The following STXBP5 variants were observed in gnomAD, a reference collection of about 807,000 sequenced individuals.
The protein encoded by STXBP5 is syntaxin binding protein 5, also known as syntaxin-binding protein 5.
A neutral mutation model predicts 152.4 loss-of-function variants in STXBP5; 50 were observed. The ratio of observed to expected loss-of-function variants is 0.33; its 90% CI spans 0.26 to 0.42. STXBP5 has a LOEUF of 0.42. STXBP5 is among the 10% of genes least tolerant of loss of function. The probability of loss-of-function intolerance (pLI) is 1.00; values close to 1 mark genes in which losing one functional copy is unlikely to be tolerated. For missense variants in STXBP5, 1,167 were observed against 1,388.6 expected (o/e 0.84, Z 2.54); for synonymous variants, 492 against 494.7 (o/e 0.99, Z 0.07).
intron 2 of STXBP5, among the ~76,000 whole-genome samples, chr6:147,209,500 GT>G (rs913443935): frequency 9.4e-5 from 14 of 149,674 alleles, no homozygotes; most frequent in Admixed American, 2.0e-4. Flanking sequence ...CCTTGAATTA[GT>G]TTTTTTTTTC....
In STXBP5 at chr6:147,324,962, TA is replaced by T; in HGVS notation, c.1811del (p.Asn604ThrfsTer14). The T allele has an allele frequency of 6.5e-7, 1 of 1,533,188 alleles. No individual in the cohort carries two copies. Among genetic ancestry groups the T allele is most frequent in the Non-Finnish European group, 8.8e-7 (1 of 1,134,768 alleles). The allele number at this position is 1,533,188 out of a possible 1,614,324, so 95.0% of individuals were successfully genotyped here. A position where few individuals can be genotyped will look rare whatever the true frequency, so the allele number is the denominator to read the frequency against. ...ACCATGTTTTCTTTTATTTTAGAGTTAAAAACTCACCACTTAAACAGTCTCC... is the reference window on the plus strand; with the variant it reads ...ACCATGTTTTCTTTTATTTTAGAGTTAAAACTCACCACTTAAACAGTCTCC... ...LRDNVPCLKV[K>X]NSPLKQSPGY... On this transcript the variant is annotated frameshift_variant, in exon 17 of 28. Coordinates refer to ENST00000321680, the MANE Select transcript of STXBP5 (RefSeq NM_001127715.4). LOFTEE classifies it high-confidence loss of function.
intron 22 of STXBP5, among the ~76,000 whole-genome samples, chr6:147,357,117 A>G (rs1784849729): frequency 6.6e-6 from 1 of 152,160 alleles, no homozygotes; most frequent in African/African-American, 2.4e-5. Flanking sequence ...AAAGTCAGAA[A>G]TAACTACAGA....
At chr6:147,374,337 C>G (rs911892449) in intron 26 of STXBP5, among the ~76,000 whole-genome samples, 1 of 152,018 alleles carries the variant, frequency 6.6e-6, no homozygotes, top group Admixed American at 6.6e-5. Flanking sequence ...AATGCTTGAC[C>G]TTTCTTATGA....
chr6:147,275,523 C>T (rs1485545707), intron 7 of STXBP5, among the ~76,000 whole-genome samples: 1 of 131,418 alleles, frequency 7.6e-6, no homozygotes, highest in African/African-American at 2.8e-5. Flanking sequence ...GTATAATTTT[C>T]AGGTTTTTTT....
At position 147,386,412 on chromosome 6, in the gene STXBP5, A is replaced by T. The variant is rs957443383; in HGVS notation, c.*1657A>T. 6.6e-6 allele frequency: 1 copy of T among 151,756 alleles called. No individual in the cohort carries two copies. The highest frequency in any genetic ancestry group is 1.9e-4 in the East Asian group (1 of 5,176). 9.4% of individuals were successfully genotyped at this position (151,756 alleles called of 1,614,324 possible). A position where few individuals can be genotyped will look rare whatever the true frequency, so the allele number is the denominator to read the frequency against. ...TTATGCATATTTTCCTCTACTTTTC[A>T]TTAATAAAGCTTTTATGTTTACATT... On this transcript the variant is annotated 3_prime_UTR_variant, in exon 28 of 28. Transcript: ENST00000321680.
At chr6:147,263,863 T>C (rs1474631858) in intron 6 of STXBP5, among the ~76,000 whole-genome samples, 1 of 152,012 alleles carries the variant, frequency 6.6e-6, no homozygotes, top group East Asian at 1.9e-4. Flanking sequence ...TATGAAATTT[T>C]ATGGTATTTA....
At chr6:147,368,464 A>C (rs1785396332) in intron 25 of STXBP5, among the ~76,000 whole-genome samples, 1 of 152,204 alleles carries the variant, frequency 6.6e-6, no homozygotes, top group African/African-American at 2.4e-5. Flanking sequence ...TCTACAAACA[A>C]GGAACAGAAG....
chr6:147,309,469 TAGAG>T (rs781298226), intron 9 of STXBP5, among the ~76,000 whole-genome samples: 57 of 152,170 alleles, frequency 3.7e-4, no homozygotes, highest in East Asian at 2.9e-3. Context: ...TAATGACTAA[TAGAG>T]AGAATGGGAA....
Position 147,310,141 on chromosome 6 carries a change from T to C in STXBP5, c.975T>C (p.Pro325=), listed in dbSNP as rs2128369706. The change falls in exon 10 of 28, where the codon CCT becomes CCC. Residue 325 remains proline, a synonymous_variant. Coordinates refer to ENST00000321680, the MANE Select transcript of STXBP5 (RefSeq NM_001127715.4). The part of the protein sequence containing the change: ...GLSYDTVGRR[P]CLTVMHGKST... ...CATATGATACTGTAGGAAGAAGACC[T>C]TGCTTAACAGTGATGCATGGGAAAA... The C allele has an allele frequency of 6.2e-7, 1 of 1,603,218 alleles. No homozygotes were observed. Among genetic ancestry groups the C allele is most frequent in the East Asian group, 2.2e-5 (1 of 44,446 alleles).
chr6:147,241,230 G>C (rs890449498), intron 4 of STXBP5, among the ~76,000 whole-genome samples: 6 of 152,092 alleles, frequency 3.9e-5, no homozygotes, highest in Non-Finnish European at 8.8e-5. Flanking sequence ...GGTGTTCTCT[G>C]ATATTAACAT....
chr6:147,205,261 G>A (rs762375483), intron 1 of STXBP5, among the ~76,000 whole-genome samples: 2 of 151,948 alleles, frequency 1.3e-5, no homozygotes, highest in Non-Finnish European at 2.9e-5. Flanking sequence ...ATGATGCAGC[G>A]AATTAAGTCA....
intron 9 of STXBP5, among the ~76,000 whole-genome samples, chr6:147,306,419 T>C (rs1423691306): frequency 6.6e-6 from 1 of 152,058 alleles, no homozygotes; most frequent in East Asian, 1.9e-4. Context: ...GAGGTGATGA[T>C]TGGAATGAGT....
chr6:147,243,116 A>G (rs919541024), intron 4 of STXBP5, among the ~76,000 whole-genome samples: 2 of 152,122 alleles, frequency 1.3e-5, no homozygotes, highest in African/African-American at 4.8e-5. Flanking sequence ...TGGGAGTGCT[A>G]TTGCTGGATC....
chr6:147,312,790 A>G (rs1367119651), intron 11 of STXBP5, among the ~76,000 whole-genome samples: 3 of 152,158 alleles, frequency 2.0e-5, no homozygotes, highest in Admixed American at 2.0e-4. Context: ...ATTTGAAAAT[A>G]TTATTTCTGT....
In STXBP5 at chr6:147,373,219, ACC is replaced by A. The variant is rs757651171; in HGVS notation, c.3082-510_3082-509del. On this transcript the variant is annotated intron_variant, in intron 25 of 27. Transcript: ENST00000321680. ...CCTGTCTCTACAAAATACAATAATTACCCAGGCATGGTGGCGTGTGCCTGTAA... is the reference window on the plus strand; with the variant it reads ...CCTGTCTCTACAAAATACAATAATTACAGGCATGGTGGCGTGTGCCTGTAA... 4.6e-5 allele frequency among the ~76,000 whole-genome samples: 7 copies of A among 151,896 alleles called. No individual in the cohort carries two copies. The South Asian group carries it at 6.3e-4, about 14-fold the overall frequency.
intron 6 of STXBP5, among the ~76,000 whole-genome samples, chr6:147,263,542 G>A (rs1473369672): frequency 6.6e-6 from 1 of 151,548 alleles, no homozygotes; most frequent in African/African-American, 2.4e-5. Flanking sequence ...CTTTCAGTGG[G>A]TCTGTAGTAT....
intron 16 of STXBP5, among the ~76,000 whole-genome samples, chr6:147,319,764 G>A (rs1782820209): frequency 6.9e-6 from 1 of 144,502 alleles, no homozygotes; most frequent in Admixed American, 6.9e-5. Flanking sequence ...CCTGTCACCT[G>A]TAATTGCTTA....
At chr6:147,247,140 C>T (rs903145099) in intron 4 of STXBP5, among the ~76,000 whole-genome samples, 1 of 152,060 alleles carries the variant, frequency 6.6e-6, no homozygotes, top group African/African-American at 2.4e-5. Context: ...CTATACAGGT[C>T]TTAAGATTTT....
In STXBP5 at chr6:147,325,104, T is replaced by C. The variant is rs763894154; in HGVS notation, c.1928+20T>C. ...TGGACTGTAAGTATAAGTTACGTTT[T>C]TTTCTAAGTCTCTTCATAGTATTCC... On this transcript the variant is annotated intron_variant, in intron 17 of 27. Coordinates refer to ENST00000321680, the MANE Select transcript of STXBP5 (RefSeq NM_001127715.4). 1.3e-5 allele frequency: 19 copies of C among 1,480,928 alleles called. No individual in the cohort carries two copies. Among genetic ancestry groups the C allele is most frequent in the Admixed American group, 6.7e-5 (3 of 44,808 alleles). The allele number at this position is 1,480,928 out of a possible 1,614,324, so 91.7% of individuals were successfully genotyped here.
Sources: gnomAD v4.1 joint callset for allele counts (sites outside exome capture counted in the v4.1 genomes callset) on GRCh38, gnomAD v4.1.1 for gene constraint, MANE v1.5 for transcripts, NCBI Gene and HGNC (gene_info 2026-07-23, HGNC 2026-07-21) for gene names.